PLEKHA5: variants seen among roughly 807,000 people sequenced by gnomAD.
PLEKHA5 encodes the protein pleckstrin homology domain-containing family A member 5.
Under a neutral mutation model 181.9 loss-of-function variants are expected in PLEKHA5, and 55 were observed. That is an observed-to-expected ratio of 0.30 (90% CI 0.24 to 0.38). The LOEUF (loss-of-function observed/expected upper bound fraction) is 0.38. PLEKHA5 is among the 10% of genes least tolerant of loss of function. PLEKHA5 has a pLI of 1.00. For synonymous variants in PLEKHA5, 535 were observed against 529.4 expected, an observed-to-expected ratio of 1.01 and a Z score of -0.15; for missense variants, 1,432 against 1,549.5, an observed-to-expected ratio of 0.92 and a Z score of 1.27.
rs2058017757 is a variant in PLEKHA5, at chr12:19,216,588, G to A, written c.228-37352G>A. Among the ~76,000 whole-genome samples, 3 of 151,926 alleles carry A rather than the reference G, an allele frequency of 2.0e-5. No individual in the cohort carries two copies. In the South Asian group the frequency reaches 6.3e-4, roughly 32 times the overall value. ...TGAGGCAAGAGAATTGCTTGAACCT[G>A]GGAGGTGGAGGTTGCAGTGAGCCCA... On this transcript the variant is annotated intron_variant, in intron 3 of 31. Coordinates refer to ENST00000429027, the MANE Select transcript of PLEKHA5 (RefSeq NM_001256470.2).
chr12:19,361,873 G>A (rs1157312986), intron 29 of PLEKHA5, among the ~76,000 whole-genome samples, 167 bp downstream of exon 29: 1 of 152,060 alleles, frequency 6.6e-6, no homozygotes, highest in Non-Finnish European at 1.5e-5. Context: ...TTCCTCACTT[G>A]TAAAAATGGC....
chr12:19,189,210 C>T (rs1319912241), intron 3 of PLEKHA5, among the ~76,000 whole-genome samples: 1 of 152,182 alleles, frequency 6.6e-6, no homozygotes, highest in Non-Finnish European at 1.5e-5. Flanking sequence ...CGGGGCCACA[C>T]TGTGCAGGAC....
In PLEKHA5 at chr12:19,298,100, G is replaced by A. The variant is rs1447339140; in HGVS notation, c.2037+6403G>A. Among the ~76,000 whole-genome samples the A allele has an allele frequency of 3.9e-5, 6 of 152,204 alleles. 1 individual carries two copies. The East Asian group carries it at 1.2e-3, about 29-fold the overall frequency. The stretch of plus-strand genomic sequence containing the variant: ...CGTACCACCCGCTACTTGGCAGGCT[G>A]AGGCAGGAGAATTGCTTGAACCTGG... On this transcript the variant is annotated intron_variant, in intron 15 of 31. Transcript: ENST00000429027.
chr12:19,333,447 G>A (rs1302441347), intron 20 of PLEKHA5, among the ~76,000 whole-genome samples: 1 of 151,564 alleles, frequency 6.6e-6, no homozygotes, highest in Non-Finnish European at 1.5e-5. Context: ...AAGCGTGGTG[G>A]TGCGCACCTG....
chr12:19,189,495 A>T (rs1158681620), intron 3 of PLEKHA5, among the ~76,000 whole-genome samples: 1 of 152,064 alleles, frequency 6.6e-6, no homozygotes, highest in African/African-American at 2.4e-5. Context: ...ATGCTTAGAA[A>T]TGGGAAAAAA....
At chr12:19,221,566 G>A (rs1156529140) in intron 3 of PLEKHA5, among the ~76,000 whole-genome samples, 5 of 152,122 alleles carry the variant, frequency 3.3e-5, no homozygotes, top group Admixed American at 1.3e-4. Context: ...ATGCGACACT[G>A]TCTGTCAAAA....
At position 19,346,953 on chromosome 12, in the gene PLEKHA5, A is replaced by G. The variant is rs755009973; in HGVS notation, c.2710-41A>G. On this transcript the variant is annotated intron_variant, in intron 23 of 31. Coordinates refer to ENST00000429027, the MANE Select transcript of PLEKHA5 (RefSeq NM_001256470.2). ...AAAGAATTTAGATATGCTTAATTCAATCTGCTTATCTAAATAAGGTGACTG... is the reference window on the plus strand; with the variant it reads ...AAAGAATTTAGATATGCTTAATTCAGTCTGCTTATCTAAATAAGGTGACTG... The G allele has an allele frequency of 3.7e-5, 49 of 1,309,702 alleles. No individual in the cohort carries two copies. In the East Asian group the frequency reaches 7.1e-4, roughly 19 times the overall value. 81.1% of individuals were successfully genotyped at this position (1,309,702 alleles called of 1,614,324 possible).
chr12:19,363,479 A>G (rs2095327016), intron 29 of PLEKHA5, among the ~76,000 whole-genome samples: 1 of 140,532 alleles, frequency 7.1e-6, no homozygotes, highest in African/African-American at 2.6e-5. Context: ...TTTTAGCTAT[A>G]TTTCTTAACT....
At chr12:19,285,541 A>G (rs925889205) in intron 12 of PLEKHA5, among the ~76,000 whole-genome samples, 9 of 152,308 alleles carry the variant, frequency 5.9e-5, no homozygotes, top group East Asian at 3.9e-4. Context: ...CAGGGAGTCA[A>G]AACTATTTTT....
At position 19,257,416 on chromosome 12, in the gene PLEKHA5, GCT is replaced by G. The variant is rs2067165428; in HGVS notation, c.433-14_433-13del. ...GCATTAATACCACATTTTCTGTCAT[GCT>G]CTTTTTCTATTTAGACTTCACGAGC... On this transcript the variant is annotated splice_polypyrimidine_tract_variant and intron_variant, in intron 5 of 31. Coordinates refer to ENST00000429027, the MANE Select transcript of PLEKHA5 (RefSeq NM_001256470.2). 1 of 1,266,598 alleles carries G rather than the reference GCT, an allele frequency of 7.9e-7. No homozygotes were observed. The highest frequency in any genetic ancestry group is 1.3e-5 in the South Asian group (1 of 77,954). The allele number at this position is 1,266,598 out of a possible 1,614,324, so 78.5% of individuals were successfully genotyped here. A position where few individuals can be genotyped will look rare whatever the true frequency, so the allele number is the denominator to read the frequency against.
chr12:19,295,565 A>T (rs555143001), intron 15 of PLEKHA5, among the ~76,000 whole-genome samples: 19 of 151,830 alleles, frequency 1.3e-4, no homozygotes, highest in Middle Eastern at 6.8e-3. Flanking sequence ...TTTGAAAAAA[A>T]TTTTTTTTCT....
intron 30 of PLEKHA5, among the ~76,000 whole-genome samples, chr12:19,366,481 C>T (rs1436406682): frequency 1.3e-5 from 2 of 152,004 alleles, no homozygotes; most frequent in Admixed American, 6.6e-5. Context: ...AGTGAAACCC[C>T]GTCTCTACTA....
At chr12:19,252,128 C>T (rs2065499191) in intron 3 of PLEKHA5, among the ~76,000 whole-genome samples, 1 of 151,844 alleles carries the variant, frequency 6.6e-6, no homozygotes, top group African/African-American at 2.4e-5. Context: ...CTATCTATAT[C>T]TTTATATTAA....
chr12:19,287,659 C>A, intron 13 of PLEKHA5, 103 bp downstream of exon 13: 1 of 698,086 alleles, frequency 1.4e-6, no homozygotes, highest in Non-Finnish European at 2.5e-6. Flanking sequence ...GAGGTTCTCC[C>A]AAAGAAAAAA....
chr12:19,374,584 G>A (rs939719824), intron 31 of PLEKHA5, among the ~76,000 whole-genome samples: 2 of 151,096 alleles, frequency 1.3e-5, no homozygotes, highest in South Asian at 2.1e-4. Context: ...ACTTGAACCC[G>A]GGAGGTGGAG....
intron 20 of PLEKHA5, among the ~76,000 whole-genome samples, chr12:19,334,879 C>T (rs1466818548): frequency 1.2e-5 from 1 of 80,230 alleles, no homozygotes; most frequent in Non-Finnish European, 2.6e-5. Flanking sequence ...TCTCTGTATA[C>T]GCACACACAC....
intron 3 of PLEKHA5, among the ~76,000 whole-genome samples, chr12:19,197,710 GTGTGTGTGTGTGTGTGTGTGTGTT>G (rs950326357): frequency 2.7e-5 from 4 of 148,894 alleles, no homozygotes; most frequent in East Asian, 2.0e-4. Context: ...GTGTGTGTGT[GTGTGTGTGTGTGTGTGTGTGTGTT>G]TAAGTCGCCT....
At chr12:19,211,011 A>G (rs903638969) in intron 3 of PLEKHA5, among the ~76,000 whole-genome samples, 19 of 152,300 alleles carry the variant, frequency 1.2e-4, no homozygotes, top group African/African-American at 4.6e-4. Context: ...CATGAAACTT[A>G]GCCGTGTATT....
intron 3 of PLEKHA5, among the ~76,000 whole-genome samples, chr12:19,164,188 G>T (rs1417660825): frequency 2.9e-5 from 4 of 137,080 alleles, no homozygotes; most frequent in African/African-American, 1.1e-4. Context: ...TTGCTCTCCA[G>T]ATGTTTTTGT....
Sources: gnomAD v4.1 joint callset for allele counts (sites outside exome capture counted in the v4.1 genomes callset) on GRCh38, gnomAD v4.1.1 for gene constraint, MANE v1.5 for transcripts, NCBI Gene and HGNC (gene_info 2026-07-23, HGNC 2026-07-21) for gene names.